Variants in SPIDR observed in about 807,000 individuals in gnomAD.
SPIDR encodes scaffold protein involved in DNA repair.
In SPIDR, 93 loss-of-function variants were observed where a neutral mutation model predicts 104.6. That is an observed-to-expected ratio of 0.89 (90% confidence interval 0.75 to 1.06). The LOEUF (loss-of-function observed/expected upper bound fraction) is 1.06, where lower values mean the gene tolerates loss of function less well. SPIDR is among the 50% of genes least tolerant of loss of function. The pLI, the probability that SPIDR is intolerant of heterozygous loss-of-function variation, is 0.00. For synonymous variants in SPIDR, 431 were observed against 416.9 expected (o/e 1.03, Z -0.41); for missense variants, 1,154 against 1,111.2 (o/e 1.04, Z -0.55).
intron 10 of SPIDR, among the ~76,000 whole-genome samples, chr8:47,633,824 T>C (rs555814214): frequency 6.6e-6 from 1 of 152,278 alleles, no homozygotes; most frequent in African/African-American, 2.4e-5. Context: ...CTGAGCGTGG[T>C]GGCTCTCGCC....
intron 1 of SPIDR, among the ~76,000 whole-genome samples, chr8:47,273,429 G>A (rs1482824208): frequency 6.6e-6 from 1 of 152,164 alleles, no homozygotes; most frequent in African/African-American, 2.4e-5. Flanking sequence ...CACATGAACG[G>A]CCAGATGAAG....
intron 8 of SPIDR, among the ~76,000 whole-genome samples, chr8:47,552,689 A>G (rs1365464690): frequency 6.6e-6 from 1 of 152,118 alleles, no homozygotes; most frequent in Admixed American, 6.6e-5. Flanking sequence ...AACACAGCAC[A>G]CTGATGTGTC....
chr8:47,538,123 C>T lies in SPIDR; in HGVS notation c.1098-57688C>T, dbSNP rs577037424. The stretch of plus-strand genomic sequence containing the variant: ...CTGGGAGGCAGAAGTTGCAGTGAGC[C>T]GGGATCGTGCCACTGTATTCCAGCC... On this transcript the variant is annotated intron_variant, in intron 8 of 19. Transcript: ENST00000297423. Among the ~76,000 whole-genome samples the T allele has an allele frequency of 1.8e-4, 28 of 152,042 alleles. No individual in the cohort carries two copies. In the South Asian group the frequency reaches 4.4e-3, roughly 24 times the overall value.
intron 8 of SPIDR, among the ~76,000 whole-genome samples, chr8:47,485,398 G>C (rs566800529): frequency 2.6e-5 from 4 of 152,356 alleles, no homozygotes; most frequent in African/African-American, 9.6e-5. Context: ...AAGGAGGCTT[G>C]CCTGCCTCTG....
At chr8:47,523,938 T>C (rs1371649662) in intron 8 of SPIDR, among the ~76,000 whole-genome samples, 1 of 152,192 alleles carries the variant, frequency 6.6e-6, no homozygotes, top group Non-Finnish European at 1.5e-5. Flanking sequence ...ATGGCAGTTT[T>C]GTCCACACAC....
At chr8:47,641,382 T>C (rs976077315) in intron 10 of SPIDR, among the ~76,000 whole-genome samples, 3 of 152,146 alleles carry the variant, frequency 2.0e-5, no homozygotes, top group Non-Finnish European at 4.4e-5. Flanking sequence ...CATGAACTTG[T>C]GTTATTTTTG....
chr8:47,425,625 T>C (rs1041555804), intron 7 of SPIDR, among the ~76,000 whole-genome samples: 2 of 152,212 alleles, frequency 1.3e-5, no homozygotes, highest in Admixed American at 6.5e-5. Flanking sequence ...TTTTGTGTAA[T>C]AGATTTTAAA....
intron 8 of SPIDR, among the ~76,000 whole-genome samples, chr8:47,453,897 A>G (rs1446602555): frequency 2.6e-5 from 4 of 152,230 alleles, no homozygotes; most frequent in African/African-American, 9.6e-5. Context: ...ATCACTAGCT[A>G]TCAGAGAAAT....
chr8:47,389,132 G>T (rs937597810), intron 5 of SPIDR, among the ~76,000 whole-genome samples: 2 of 152,090 alleles, frequency 1.3e-5, no homozygotes, highest in Non-Finnish European at 2.9e-5. Flanking sequence ...GTCATTCTTT[G>T]CTCTGTGCAT....
At chr8:47,576,912 G>A (rs1186604233) in intron 8 of SPIDR, among the ~76,000 whole-genome samples, 1 of 152,150 alleles carries the variant, frequency 6.6e-6, no homozygotes, top group South Asian at 2.1e-4. Context: ...CGTGTCTTTA[G>A]AATTCATGTT....
intron 5 of SPIDR, among the ~76,000 whole-genome samples, chr8:47,345,759 CTGTT>C (rs374457280): frequency 0.087 from 13,236 of 152,068 alleles, 682 homozygotes; most frequent in African/African-American, 0.16. Flanking sequence ...ATTTGGCTGT[CTGTT>C]TGTCTCTTAT....
chr8:47,613,762 T>G (rs1353255811), intron 10 of SPIDR, among the ~76,000 whole-genome samples: 1 of 152,228 alleles, frequency 6.6e-6, no homozygotes, highest in Admixed American at 6.5e-5. Flanking sequence ...CATGTGCTCA[T>G]TGTCCATTTG....
rs2082069915 is a variant in SPIDR, at chr8:47,712,836, C to T, written c.2152C>T (p.His718Tyr). Reference sequence around the variant, plus strand: ...GGAGGCACTCGCTGGGGCTGCCCCTCACAGCCTCTTCTTCAAGGACGCTCT... The same window carrying T: ...GGAGGCACTCGCTGGGGCTGCCCCTTACAGCCTCTTCTTCAAGGACGCTCT... ...VLEALAGAAP[H>Y]SLFFKDALRD... The change falls in exon 15 of 20, where the codon CAC becomes TAC. Residue 718 changes from histidine to tyrosine, a missense_variant. By Grantham distance (83) the His-to-Tyr change is moderately conservative (BLOSUM62 2). Coordinates refer to ENST00000297423, the MANE Select transcript of SPIDR (RefSeq NM_001080394.4). The T allele has an allele frequency of 6.2e-7, 1 of 1,614,120 alleles. No individual in the cohort carries two copies. Among genetic ancestry groups the T allele is most frequent in the East Asian group, 2.2e-5 (1 of 44,882 alleles).
chr8:47,675,081 G>C (rs1327070437), intron 11 of SPIDR, among the ~76,000 whole-genome samples: 1 of 152,162 alleles, frequency 6.6e-6, no homozygotes, highest in Non-Finnish European at 1.5e-5. Flanking sequence ...TTGTTACCCA[G>C]GCTGGAGTGC....
chr8:47,341,880 C>CA (rs1201351490), intron 5 of SPIDR, among the ~76,000 whole-genome samples: 6 of 152,152 alleles, frequency 3.9e-5, no homozygotes, highest in African/African-American at 1.4e-4. Flanking sequence ...GCAGCTCCTA[C>CA]AGAATCTTCC....
intron 8 of SPIDR, among the ~76,000 whole-genome samples, chr8:47,523,694 T>C (rs1190091072): frequency 2.6e-5 from 4 of 152,192 alleles, no homozygotes; most frequent in Non-Finnish European, 5.9e-5. Context: ...TGTTACATAG[T>C]GCTGGGCAGC....
At chr8:47,699,327 A>G (rs1692565799) in intron 11 of SPIDR, among the ~76,000 whole-genome samples, 1 of 152,198 alleles carries the variant, frequency 6.6e-6, no homozygotes, top group Admixed American at 6.5e-5. Context: ...AGAAGGGCTG[A>G]CACAAGGTCC....
intron 8 of SPIDR, among the ~76,000 whole-genome samples, chr8:47,583,711 A>G (rs1225502817): frequency 6.6e-6 from 1 of 152,238 alleles, no homozygotes; most frequent in African/African-American, 2.4e-5. Context: ...TTTTCTGCAG[A>G]AACTTGATGA....
chr8:47,333,859 A>G (rs880000657), intron 5 of SPIDR, among the ~76,000 whole-genome samples: 14 of 152,224 alleles, frequency 9.2e-5, no homozygotes, highest in Non-Finnish European at 1.8e-4. Flanking sequence ...AGCGTTGTAT[A>G]TGAGGTGTGT....
Sources: allele counts gnomAD v4.1 joint callset (sites outside exome capture counted in the v4.1 genomes callset), GRCh38; gene constraint gnomAD v4.1.1; transcripts MANE v1.5; gene names NCBI Gene and HGNC (gene_info 2026-07-23, HGNC 2026-07-21).